The following PDE10A variants were observed in gnomAD, a reference collection of about 807,000 sequenced individuals.
PDE10A encodes cAMP and cAMP-inhibited cGMP 3',5'-cyclic phosphodiesterase 10A.
PDE10A carries 39 observed loss-of-function variants against 97.7 expected under a neutral mutation model. That is an observed-to-expected ratio of 0.40 (90% CI 0.31 to 0.52). The LOEUF is 0.52. Ranked by LOEUF, PDE10A falls within the 20% of genes least tolerant of loss-of-function variation. The pLI is 0.56. For synonymous variants in PDE10A, 371 were observed against 376.8 expected, an observed-to-expected ratio of 0.98 and a Z score of 0.18; for missense variants, 731 against 1,047.8, an observed-to-expected ratio of 0.70 and a Z score of 4.17.
At chr6:165,765,383 C>G (rs929652318) in intron 1 of PDE10A, among the ~76,000 whole-genome samples, 2 of 137,948 alleles carry the variant, frequency 1.4e-5, no homozygotes, top group Non-Finnish European at 3.2e-5. Flanking sequence ...CCCACGGAGG[C>G]GGGGGAAGGC....
chr6:165,591,901 C>A (rs1009650133), intron 1 of PDE10A, among the ~76,000 whole-genome samples: 5 of 152,224 alleles, frequency 3.3e-5, no homozygotes, highest in South Asian at 2.1e-4. Flanking sequence ...ACCAAATACC[C>A]ATTTTAAAAC....
At chr6:165,633,089 A>G (rs1788710242) in intron 1 of PDE10A, among the ~76,000 whole-genome samples, 1 of 152,042 alleles carries the variant, frequency 6.6e-6, no homozygotes, top group African/African-American at 2.4e-5. Context: ...CAAAAAAAAA[A>G]AAGAAAAGAA....
chr6:165,428,629 G>A lies in PDE10A; in HGVS notation c.1653+29C>T, dbSNP rs112191264. Reference sequence around the variant, plus strand: ...GCACCATGGGCCTAAGGGTTAAACAGAATCATACTCAGAACAAAAACAACC... The same window carrying A: ...GCACCATGGGCCTAAGGGTTAAACAAAATCATACTCAGAACAAAAACAACC... On this transcript the variant is annotated intron_variant, in intron 10 of 21. Coordinates refer to ENST00000539869, the MANE Select transcript of PDE10A (RefSeq NM_001385079.1). 1.0e-4 allele frequency: 108 copies of A among 1,043,782 alleles called. No homozygotes were observed. In the African/African-American group the frequency reaches 1.6e-3, roughly 15 times the overall value. The allele number at this position is 1,043,782 out of a possible 1,614,324, so 64.7% of individuals were successfully genotyped here.
At chr6:165,790,867 A>C (rs1221105574) in intron 1 of PDE10A, among the ~76,000 whole-genome samples, 1 of 151,960 alleles carries the variant, frequency 6.6e-6, no homozygotes, top group Non-Finnish European at 1.5e-5. Context: ...AGAGTACTTA[A>C]TGTGTGATCT....
intron 2 of PDE10A, among the ~76,000 whole-genome samples, chr6:165,522,623 T>C (rs1453425872): frequency 6.6e-6 from 1 of 152,016 alleles, no homozygotes; most frequent in African/African-American, 2.4e-5. Flanking sequence ...TACCTCAAAG[T>C]AGTTAAGAGC....
intron 1 of PDE10A, among the ~76,000 whole-genome samples, chr6:165,738,758 G>A (rs1379807745): frequency 6.6e-5 from 10 of 152,180 alleles, no homozygotes; most frequent in Non-Finnish European, 1.5e-4. Context: ...TTTCTCTGAT[G>A]GCTGGTGATG....
At chr6:165,838,038 G>A (rs1363942753) in intron 1 of PDE10A, among the ~76,000 whole-genome samples, 1 of 152,198 alleles carries the variant, frequency 6.6e-6, no homozygotes, top group Non-Finnish European at 1.5e-5. Flanking sequence ...GGAAGTTAGA[G>A]AACTAGAAAC....
At chr6:165,969,767 C>T (rs563857334) in intron 1 of PDE10A, among the ~76,000 whole-genome samples, 7 of 152,076 alleles carry the variant, frequency 4.6e-5, no homozygotes, top group Non-Finnish European at 8.8e-5. Flanking sequence ...ACTGCCCAAA[C>T]CTGGGACAAT....
chr6:165,486,044 G>A (rs965263524), intron 2 of PDE10A, among the ~76,000 whole-genome samples: 3 of 152,204 alleles, frequency 2.0e-5, no homozygotes, highest in South Asian at 4.1e-4. Flanking sequence ...TTCCTCTTTC[G>A]GCTAGCAACG....
chr6:165,873,399 C>A (rs1385098151), intron 1 of PDE10A, among the ~76,000 whole-genome samples: 1 of 152,182 alleles, frequency 6.6e-6, no homozygotes, highest in African/African-American at 2.4e-5. Flanking sequence ...CTAACTTGCT[C>A]TGCGGGGAAG....
At chr6:165,495,249 C>A (rs79510677) in intron 2 of PDE10A, among the ~76,000 whole-genome samples, 1 of 151,680 alleles carries the variant, frequency 6.6e-6, no homozygotes, top group African/African-American at 2.4e-5. Flanking sequence ...GGCAGCCACC[C>A]TGTAATAACA....
At chr6:165,772,775 C>T (rs1348943852) in intron 1 of PDE10A, among the ~76,000 whole-genome samples, 1 of 152,026 alleles carries the variant, frequency 6.6e-6, no homozygotes, top group African/African-American at 2.4e-5. Flanking sequence ...AAGGAAGAGA[C>T]AGAGTGAAAA....
intron 1 of PDE10A, among the ~76,000 whole-genome samples, chr6:165,820,059 CT>C (rs1309508073): frequency 6.6e-6 from 1 of 152,104 alleles, no homozygotes; most frequent in African/African-American, 2.4e-5. Context: ...AAATGTAAGT[CT>C]GTTACTACAA....
intron 2 of PDE10A, among the ~76,000 whole-genome samples, chr6:165,536,599 T>C (rs567673555): frequency 2.1e-5 from 3 of 146,264 alleles, no homozygotes; most frequent in East Asian, 2.0e-4. Context: ...AACAGATCAA[T>C]AGTAAAAAAA....
At chr6:165,984,838 T>C (rs1263549018) in intron 1 of PDE10A, among the ~76,000 whole-genome samples, 7 of 152,216 alleles carry the variant, frequency 4.6e-5, no homozygotes, top group African/African-American at 1.7e-4. Context: ...TCTCAACTCC[T>C]TCCAGTGTAA....
intron 1 of PDE10A, among the ~76,000 whole-genome samples, chr6:165,682,574 G>T (rs1161270206): frequency 6.6e-6 from 1 of 152,142 alleles, no homozygotes; most frequent in African/African-American, 2.4e-5. Context: ...GGCCCCCTTT[G>T]CCTCTCTGCC....
At chr6:165,706,085 G>A (rs1421992292) in intron 1 of PDE10A, among the ~76,000 whole-genome samples, 1 of 152,222 alleles carries the variant, frequency 6.6e-6, no homozygotes, top group Non-Finnish European at 1.5e-5. Flanking sequence ...CCAGGAACAT[G>A]CAGAGGGAGT....
intron 1 of PDE10A, among the ~76,000 whole-genome samples, chr6:165,846,165 T>C (rs974862977): frequency 6.6e-6 from 1 of 152,178 alleles, no homozygotes; most frequent in African/African-American, 2.4e-5. Context: ...AATGCCCCCA[T>C]GCAGATCAGA....
intron 3 of PDE10A, among the ~76,000 whole-genome samples, chr6:165,464,993 A>G (rs1277137772): frequency 1.3e-5 from 2 of 152,240 alleles, no homozygotes; most frequent in African/African-American, 4.8e-5. Flanking sequence ...TCTTTTTGTG[A>G]ACACAGGTTT....
Sources: gnomAD v4.1 joint callset for allele counts (sites outside exome capture counted in the v4.1 genomes callset) on GRCh38, gnomAD v4.1.1 for gene constraint, MANE v1.5 for transcripts, NCBI Gene and HGNC (gene_info 2026-07-23, HGNC 2026-07-21) for gene names.